Variants in NRG3 observed in about 807,000 individuals in gnomAD.
NRG3 encodes neuregulin 3.
A neutral mutation model predicts 66.9 loss-of-function variants in NRG3; 31 were observed. The observed-to-expected ratio is 0.46, with a 90% CI of 0.35 to 0.63. The LOEUF (loss-of-function observed/expected upper bound fraction) is 0.63. Ranked by LOEUF, NRG3 falls within the 20% of genes least tolerant of loss-of-function variation. The pLI, the probability that NRG3 is intolerant of heterozygous loss-of-function variation, is 0.00. For missense variants in NRG3, 910 were observed against 878.9 expected, an observed-to-expected ratio of 1.04 and a Z score of -0.45; for synonymous variants, 393 against 359.4, an observed-to-expected ratio of 1.09 and a Z score of -1.06.
intron 3 of NRG3, among the ~76,000 whole-genome samples, chr10:82,835,786 T>G (rs2135710529): frequency 6.6e-6 from 1 of 152,276 alleles, no homozygotes; most frequent in South Asian, 2.1e-4. Context: ...AAAGATTTGC[T>G]TTGTTCAGAT....
chr10:82,440,882 A>G lies in NRG3; in HGVS notation c.953+82014A>G, dbSNP rs536702122. On this transcript the variant is annotated intron_variant, in intron 2 of 8. Transcript: ENST00000372141. ...TATTTTAAATCTTAAGAGCAATCCA[A>G]ATGGCAGTTTTATTGTTTACTGTGG... Among the ~76,000 whole-genome samples the G allele has an allele frequency of 3.9e-5, 6 of 152,332 alleles. No homozygotes were observed. In the South Asian group the frequency reaches 1.2e-3, roughly 32 times the overall value.
intron 1 of NRG3, among the ~76,000 whole-genome samples, chr10:82,299,294 C>T (rs2080254210): frequency 6.6e-6 from 1 of 152,132 alleles, no homozygotes; most frequent in African/African-American, 2.4e-5. Context: ...TTTAGTACAC[C>T]TAATCTCTTT....
At chr10:82,825,678 G>A (rs1391124724) in intron 3 of NRG3, among the ~76,000 whole-genome samples, 2 of 152,074 alleles carry the variant, frequency 1.3e-5, no homozygotes, top group African/African-American at 4.8e-5. Flanking sequence ...CAAAGCACAG[G>A]CAAATTGACA....
At chr10:82,873,163 C>T (rs1045337116) in intron 4 of NRG3, among the ~76,000 whole-genome samples, 7 of 151,994 alleles carry the variant, frequency 4.6e-5, no homozygotes, top group Non-Finnish European at 8.8e-5. Context: ...GAAATTTCAA[C>T]AGCAAATACT....
intron 1 of NRG3, among the ~76,000 whole-genome samples, chr10:82,319,844 G>A (rs917318458): frequency 3.3e-5 from 5 of 152,180 alleles, no homozygotes; most frequent in African/African-American, 1.2e-4. Context: ...CAGATGGTTA[G>A]AGAACTGTCT....
At chr10:81,997,656 G>A (rs2060992605) in intron 1 of NRG3, among the ~76,000 whole-genome samples, 1 of 152,054 alleles carries the variant, frequency 6.6e-6, no homozygotes, top group Non-Finnish European at 1.5e-5. Flanking sequence ...ATGTCACAGG[G>A]CTTGGGAAAA....
intron 2 of NRG3, among the ~76,000 whole-genome samples, chr10:82,398,522 T>TGA (rs756421839): frequency 3.4e-4 from 49 of 142,132 alleles, no homozygotes; most frequent in African/African-American, 7.3e-4. Flanking sequence ...TGTGTGTGTG[T>TGA]GTGTGAGAGA....
intron 3 of NRG3, among the ~76,000 whole-genome samples, chr10:82,740,658 T>C (rs2058378304): frequency 6.6e-6 from 1 of 151,900 alleles, no homozygotes. Flanking sequence ...ACCCTGTCTC[T>C]ACTAAAAATA....
rs1317114958 is a variant in NRG3 at position 82,986,178 on chromosome 10, T to G, written c.*573T>G. ...ATAGAAGGAGAAACCGGGGGCAATC[T>G]TAACTACTCTTGTGTGCCACCTTCC... On this transcript the variant is annotated 3_prime_UTR_variant, in exon 9 of 9. Coordinates refer to ENST00000372141, the MANE Select transcript of NRG3 (RefSeq NM_001010848.4). 6.6e-6 allele frequency: 1 copy of G among 152,518 alleles called. No homozygotes were observed. The highest frequency in any genetic ancestry group is 1.9e-4 in the East Asian group (1 of 5,190). 9.4% of individuals were successfully genotyped at this position (152,518 alleles called of 1,614,324 possible). A position where few individuals can be genotyped will look rare whatever the true frequency, so the allele number is the denominator to read the frequency against.
chr10:82,361,467 C>T (rs1343213079), intron 2 of NRG3, among the ~76,000 whole-genome samples: 1 of 152,148 alleles, frequency 6.6e-6, no homozygotes, highest in Non-Finnish European at 1.5e-5. Flanking sequence ...TACATTTGTT[C>T]CTGCATCAGC....
intron 1 of NRG3, among the ~76,000 whole-genome samples, chr10:82,329,320 C>A (rs2082025330): frequency 6.6e-6 from 1 of 151,682 alleles, no homozygotes; most frequent in African/African-American, 2.4e-5. Flanking sequence ...TGGGAACTTA[C>A]TAATTAATAG....
intron 3 of NRG3, among the ~76,000 whole-genome samples, chr10:82,864,534 G>T (rs1455628487): frequency 6.6e-6 from 1 of 151,938 alleles, no homozygotes; most frequent in Non-Finnish European, 1.5e-5. Context: ...TATGGCAACA[G>T]AAAAAAATGT....
intron 2 of NRG3, among the ~76,000 whole-genome samples, chr10:82,651,477 T>TCTGTCTGGGGAATGC (rs1393253145): frequency 1.3e-5 from 2 of 152,186 alleles, no homozygotes; most frequent in Non-Finnish European, 2.9e-5. Flanking sequence ...CTCAGGTCAT[T>TCTGTCTGGGGAATGC]CTGTCTGGGG....
At chr10:82,715,860 C>T (rs1035667739) in intron 2 of NRG3, among the ~76,000 whole-genome samples, 2 of 152,008 alleles carry the variant, frequency 1.3e-5, no homozygotes, top group African/African-American at 2.4e-5. Flanking sequence ...TGTTGAGGGG[C>T]CTCCTCCAGG....
At chr10:82,899,235 C>G (rs1262053360) in intron 4 of NRG3, among the ~76,000 whole-genome samples, 1 of 152,172 alleles carries the variant, frequency 6.6e-6, no homozygotes, top group Non-Finnish European at 1.5e-5. Flanking sequence ...TCTCTGAATG[C>G]TCACACTGTA....
At chr10:82,536,790 G>A (rs1417487115) in intron 2 of NRG3, among the ~76,000 whole-genome samples, 1 of 151,932 alleles carries the variant, frequency 6.6e-6, no homozygotes, top group Non-Finnish European at 1.5e-5. Context: ...ATGACATCAA[G>A]GTAACTGGGA....
At chr10:82,278,008 A>G (rs1233039460) in intron 1 of NRG3, among the ~76,000 whole-genome samples, 2 of 152,096 alleles carry the variant, frequency 1.3e-5, no homozygotes, top group Admixed American at 6.6e-5. Flanking sequence ...TTCAAATATC[A>G]CCACACACTA....
At chr10:82,985,008 G>A (rs1853310942) in intron 8 of NRG3, 90 bp from the exon 9 acceptor site, 2 of 1,456,192 alleles carry the variant, frequency 1.4e-6, no homozygotes, top group Non-Finnish European at 1.9e-6. Context: ...TCAGTGAGAT[G>A]GTGCATGTGA....
intron 2 of NRG3, among the ~76,000 whole-genome samples, chr10:82,524,765 T>G (rs916945589): frequency 2.5e-4 from 38 of 151,942 alleles, no homozygotes; most frequent in African/African-American, 8.7e-4. Flanking sequence ...CAAATGTTTC[T>G]TTTTCCAGAG....
Sources: allele counts gnomAD v4.1 joint callset (sites outside exome capture counted in the v4.1 genomes callset), GRCh38; gene constraint gnomAD v4.1.1; transcripts MANE v1.5; gene names NCBI Gene and HGNC (gene_info 2026-07-23, HGNC 2026-07-21).